Variants in SNAP91 observed in about 807,000 individuals in gnomAD.
The protein encoded by SNAP91 is synaptosome associated protein 91, also known as clathrin coat assembly protein AP180.
Under a neutral mutation model 100.3 loss-of-function variants are expected in SNAP91, and 27 were observed. The ratio of observed to expected loss-of-function variants is 0.27; its 90% CI spans 0.20 to 0.37. SNAP91 has a LOEUF of 0.37. Among genes scored for constraint, SNAP91 ranks in the 10% least tolerant of loss-of-function variants. The pLI, the probability that SNAP91 is intolerant of heterozygous loss-of-function variation, is 1.00. For synonymous variants in SNAP91, 404 were observed against 398.6 expected, an observed-to-expected ratio of 1.01 and a Z score of -0.16; for missense variants, 986 against 1,123.7, an observed-to-expected ratio of 0.88 and a Z score of 1.75.
At chr6:83,679,662 C>T (rs1346790547) in intron 2 of SNAP91, among the ~76,000 whole-genome samples, 1 of 152,116 alleles carries the variant, frequency 6.6e-6, no homozygotes, top group Admixed American at 6.6e-5. Context: ...TCCACTATAG[C>T]TTGGGGTCGC....
At chr6:83,554,486 T>TA (rs199694439) in intron 29 of SNAP91, among the ~76,000 whole-genome samples, 195 of 151,692 alleles carry the variant, frequency 1.3e-3, no homozygotes, top group African/African-American at 3.8e-3. Flanking sequence ...AGCCAGAAAT[T>TA]AAAAAAAAAC....
chr6:83,606,324 T>C (rs1284906029), intron 13 of SNAP91, among the ~76,000 whole-genome samples: 2 of 152,204 alleles, frequency 1.3e-5, no homozygotes, highest in African/African-American at 4.8e-5. Context: ...TTTCCTACGT[T>C]AGACTATAAT....
chr6:83,588,140 G>GATAT, intron 22 of SNAP91, among the ~76,000 whole-genome samples: 2 of 152,142 alleles, frequency 1.3e-5, no homozygotes, highest in Middle Eastern at 6.8e-3. Context: ...CTTATATCAG[G>GATAT]ATATAAGGTG....
chr6:83,634,455 T>A (rs905107191), intron 8 of SNAP91, among the ~76,000 whole-genome samples: 1 of 152,188 alleles, frequency 6.6e-6, no homozygotes, highest in African/African-American at 2.4e-5. Context: ...CTGGGTCTGG[T>A]AGGAGCAATC....
chr6:83,624,490 A>G (rs2096855672), intron 8 of SNAP91, among the ~76,000 whole-genome samples: 1 of 152,164 alleles, frequency 6.6e-6, no homozygotes, highest in African/African-American at 2.4e-5. Flanking sequence ...CAAAGACAAT[A>G]AAGCAAACTG....
intron 17 of SNAP91, among the ~76,000 whole-genome samples, chr6:83,594,101 A>G (rs1224163030): frequency 6.6e-6 from 1 of 152,218 alleles, no homozygotes; most frequent in East Asian, 1.9e-4. Context: ...ACTCAATGTT[A>G]CAAAAGAGTA....
chr6:83,684,893 G>T (rs773785842), intron 2 of SNAP91, among the ~76,000 whole-genome samples: 1 of 152,150 alleles, frequency 6.6e-6, no homozygotes, highest in Non-Finnish European at 1.5e-5. Context: ...AGAAAGCCAT[G>T]ACAATTATTC....
At chr6:83,666,001 T>TAACAGCTAA (rs2098675387) in intron 2 of SNAP91, among the ~76,000 whole-genome samples, 1 of 152,134 alleles carries the variant, frequency 6.6e-6, no homozygotes, top group South Asian at 2.1e-4. Flanking sequence ...TCTTCAAACT[T>TAACAGCTAA]AACAGCTAAA....
intron 2 of SNAP91, among the ~76,000 whole-genome samples, chr6:83,674,832 T>C (rs1035501098): frequency 2.4e-4 from 37 of 152,182 alleles, no homozygotes; most frequent in Admixed American, 2.3e-3. Context: ...ATTATGCATA[T>C]AGAAGTTCTG....
chr6:83,599,371 A>C (rs989291682), intron 16 of SNAP91, among the ~76,000 whole-genome samples: 4 of 152,200 alleles, frequency 2.6e-5, no homozygotes, highest in Admixed American at 6.5e-5. Flanking sequence ...GCACAAAATT[A>C]TTATGCATCC....
chr6:83,623,185 G>T (rs2096798212), intron 9 of SNAP91, 116 bp downstream of exon 9: 2 of 703,584 alleles, frequency 2.8e-6, no homozygotes, highest in Admixed American at 5.2e-5. Context: ...TTCCAAGAAA[G>T]TTGGTTGGCC....
At chr6:83,691,944 A>G (rs1164940609) in intron 2 of SNAP91, among the ~76,000 whole-genome samples, 2 of 152,222 alleles carry the variant, frequency 1.3e-5, no homozygotes, top group African/African-American at 4.8e-5. Context: ...TATAAGTTAT[A>G]TTTTGATAAT....
At chr6:83,556,397 A>AGAGAGAGAGAG (rs1562072085) in intron 28 of SNAP91, among the ~76,000 whole-genome samples, 152 bp from the exon 29 acceptor site, 16 of 38,170 alleles carry the variant, frequency 4.2e-4, no homozygotes, top group Admixed American at 6.7e-4. Flanking sequence ...GAGAGAGAGA[A>AGAGAGAGAGAG]AAGCATTAGG....
chr6:83,617,521 G>C (rs1164996639), intron 9 of SNAP91, among the ~76,000 whole-genome samples: 4 of 151,732 alleles, frequency 2.6e-5, no homozygotes, highest in Admixed American at 2.0e-4. Context: ...AAAAGGTGGT[G>C]AGTGAGAGTT....
intron 7 of SNAP91, among the ~76,000 whole-genome samples, chr6:83,648,537 A>C (rs769259445): frequency 1.3e-5 from 2 of 152,138 alleles, no homozygotes; most frequent in Non-Finnish European, 1.5e-5. Flanking sequence ...TAAATGTAAA[A>C]TGGTAAAATC....
At chr6:83,640,178 C>T (rs987896990) in intron 8 of SNAP91, among the ~76,000 whole-genome samples, 3 of 152,132 alleles carry the variant, frequency 2.0e-5, no homozygotes, top group Non-Finnish European at 4.4e-5. Context: ...CCAGAATTTT[C>T]ATGTGACAAT....
chr6:83,655,608 T>A (rs150924435), intron 7 of SNAP91, among the ~76,000 whole-genome samples: 5 of 152,340 alleles, frequency 3.3e-5, no homozygotes, highest in African/African-American at 9.6e-5. Context: ...TACCTTTTAC[T>A]TTTAGAGACT....
At chr6:83,637,112 T>G (rs2097489040) in intron 8 of SNAP91, among the ~76,000 whole-genome samples, 1 of 152,214 alleles carries the variant, frequency 6.6e-6, no homozygotes, top group Non-Finnish European at 1.5e-5. Context: ...CTCTTATTTT[T>G]CAGTGCGTAT....
At chr6:83,664,384 T>TA (rs2098634264) in intron 3 of SNAP91, among the ~76,000 whole-genome samples, 1 of 152,098 alleles carries the variant, frequency 6.6e-6, no homozygotes, top group Non-Finnish European at 1.5e-5. Flanking sequence ...TAGATGCCAT[T>TA]AAAAACATTT....
Sources: gnomAD v4.1 joint callset for allele counts (sites outside exome capture counted in the v4.1 genomes callset) on GRCh38, gnomAD v4.1.1 for gene constraint, MANE v1.5 for transcripts, NCBI Gene and HGNC (gene_info 2026-07-23, HGNC 2026-07-21) for gene names.